The following PLCL2 variants were observed in gnomAD, a reference collection of about 807,000 sequenced individuals.
PLCL2 encodes inactive phospholipase C-like protein 2.
PLCL2 carries 4 observed loss-of-function variants against 79.6 expected under a neutral mutation model. That is an observed-to-expected ratio of 0.05 (90% CI 0.02 to 0.11). PLCL2 has a LOEUF of 0.11. Ranked by LOEUF, PLCL2 falls within the 10% of genes least tolerant of loss-of-function variation. PLCL2 has a pLI of 1.00. For synonymous variants in PLCL2, 484 were observed against 457.7 expected (o/e 1.06, Z -0.73); for missense variants, 895 against 1,291.0 (o/e 0.69, Z 4.70).
At chr3:16,980,018 C>T (rs1436177682) in intron 1 of PLCL2, among the ~76,000 whole-genome samples, 2 of 145,460 alleles carry the variant, frequency 1.4e-5, no homozygotes, top group Non-Finnish European at 3.0e-5. Context: ...GGCAGAGGGG[C>T]TCCTCACTTC....
intron 4 of PLCL2, among the ~76,000 whole-genome samples, chr3:17,055,158 T>C (rs571353278): frequency 6.6e-6 from 1 of 152,302 alleles, no homozygotes; most frequent in East Asian, 1.9e-4. Context: ...GTTAACACTT[T>C]GAAGATGAGA....
intron 5 of PLCL2, among the ~76,000 whole-genome samples, chr3:17,070,128 G>T (rs1429870930): frequency 6.6e-6 from 1 of 152,182 alleles, no homozygotes; most frequent in Non-Finnish European, 1.5e-5. Context: ...TCCTACTCAT[G>T]TGTGGTCCGG....
At position 17,017,265 on chromosome 3, in the gene PLCL2, A is replaced by T. The variant is rs2064395322; in HGVS notation, c.3018+2354A>T. 2.0e-5 allele frequency among the ~76,000 whole-genome samples: 3 copies of T among 152,242 alleles called. No homozygotes were observed. In the South Asian group the frequency reaches 6.2e-4, roughly 31 times the overall value. On this transcript the variant is annotated intron_variant, in intron 3 of 5. Coordinates refer to ENST00000615277, the MANE Select transcript of PLCL2 (RefSeq NM_001144382.2). ...CTAGCTTGCTTAAAATTTTTAAATT[A>T]TAAAATTACTCTTTTATAATGTATA...
At chr3:16,918,555 A>G (rs1697050899) in intron 1 of PLCL2, among the ~76,000 whole-genome samples, 1 of 152,194 alleles carries the variant, frequency 6.6e-6, no homozygotes, top group African/African-American at 2.4e-5. Context: ...CTGGCTCTAA[A>G]TAGTATGCCA....
At chr3:16,968,280 A>G (rs539206866) in intron 1 of PLCL2, among the ~76,000 whole-genome samples, 10 of 152,134 alleles carry the variant, frequency 6.6e-5, no homozygotes, top group Non-Finnish European at 1.2e-4. Context: ...ACCAATTTTA[A>G]CATAGTTTTT....
At chr3:16,950,684 T>G (rs1159668776) in intron 1 of PLCL2, among the ~76,000 whole-genome samples, 3 of 152,134 alleles carry the variant, frequency 2.0e-5, no homozygotes, top group Non-Finnish European at 4.4e-5. Flanking sequence ...TCGTAGATTC[T>G]CTTTTTCAGA....
chr3:16,929,475 C>T (rs1697344727), intron 1 of PLCL2, among the ~76,000 whole-genome samples: 1 of 152,174 alleles, frequency 6.6e-6, no homozygotes, highest in Non-Finnish European at 1.5e-5. Flanking sequence ...AATGCATACT[C>T]AACTCACTTT....
chr3:17,067,993 C>T lies in PLCL2; in HGVS notation c.3132C>T (p.Thr1044=). The change falls in exon 5 of 6, where the codon ACC becomes ACT. Residue 1044 remains threonine, a synonymous_variant. Transcript: ENST00000615277. ...ATGAACACTTGCACAGCATAGGCAC[C>T]AAGGAAGGTTTGAAGGAAAGAAAAC... ...EFHEHLHSIG[T]KEGLKERKLQ... The T allele has an allele frequency of 1.2e-6, 2 of 1,611,960 alleles. No homozygotes were observed. The highest frequency in any genetic ancestry group is 1.7e-6 in the Non-Finnish European group (2 of 1,178,538).
intron 1 of PLCL2, among the ~76,000 whole-genome samples, chr3:16,905,968 C>T (rs1451406036): frequency 1.3e-5 from 2 of 152,142 alleles, no homozygotes; most frequent in African/African-American, 4.8e-5. Context: ...AATCCAGATC[C>T]ACCTGGAGAG....
At chr3:17,001,702 A>G (rs922448823) in intron 1 of PLCL2, among the ~76,000 whole-genome samples, 3 of 151,890 alleles carry the variant, frequency 2.0e-5, no homozygotes, top group South Asian at 2.1e-4. Flanking sequence ...GTTCTGTTCC[A>G]TTGGTCTATG....
chr3:17,017,302 T>C (rs2064395564), intron 3 of PLCL2, among the ~76,000 whole-genome samples: 1 of 152,250 alleles, frequency 6.6e-6, no homozygotes, highest in Admixed American at 6.5e-5. Flanking sequence ...TTGAAATAGC[T>C]GTGCAGCCTT....
chr3:16,918,107 T>A, intron 1 of PLCL2, among the ~76,000 whole-genome samples: 1 of 152,184 alleles, frequency 6.6e-6, no homozygotes, highest in African/African-American at 2.4e-5. Context: ...AAAGGAGCAC[T>A]GTTCAACACA....
intron 1 of PLCL2, among the ~76,000 whole-genome samples, chr3:16,981,971 C>A (rs1463707555): frequency 6.6e-6 from 1 of 152,184 alleles, no homozygotes; most frequent in Non-Finnish European, 1.5e-5. Context: ...TTATATTATG[C>A]TGTGACCATA....
chr3:17,068,825 C>T (rs933646091), intron 5 of PLCL2, among the ~76,000 whole-genome samples: 1 of 152,126 alleles, frequency 6.6e-6, no homozygotes, highest in African/African-American at 2.4e-5. Context: ...TACCTCGAAA[C>T]TTTTTTGAGC....
At chr3:17,032,391 A>C (rs2064593231) in intron 3 of PLCL2, among the ~76,000 whole-genome samples, 1 of 152,158 alleles carries the variant, frequency 6.6e-6, no homozygotes, top group Non-Finnish European at 1.5e-5. Context: ...TACCTGGTTT[A>C]AAAGCACAGT....
chr3:16,895,400 T>C (rs1403663495), intron 1 of PLCL2, among the ~76,000 whole-genome samples: 1 of 152,150 alleles, frequency 6.6e-6, no homozygotes, highest in Non-Finnish European at 1.5e-5. Context: ...GTGTGTGGTG[T>C]GAGGTAGGGT....
chr3:17,010,919 A>G lies in PLCL2; in HGVS notation c.1573A>G (p.Ile525Val), dbSNP rs767540012. 5.6e-6 allele frequency: 9 copies of G among 1,614,026 alleles called. No homozygotes were observed. Among genetic ancestry groups the G allele is most frequent in the African/African-American group, 2.7e-5 (2 of 74,938 alleles). ...CTTGTGTTTAGAAAACCACTGTTCC[A>G]TTAAACAACAGAAGGTAATGGTTCA... is the stretch of plus-strand genomic sequence containing the variant. Reference protein sequence around the residue: ...LILCLENHCSIKQQKVMVQHM... With the variant: ...LILCLENHCSVKQQKVMVQHM... Residue 525 changes from isoleucine to valine, a missense_variant, in exon 2 of 6, where the codon ATT becomes GTT. Transcript: ENST00000615277. The surrounding 1 kb of genome is among the most constrained non-coding windows in gnomAD (Gnocchi z 5.8).
chr3:16,942,559 A>G (rs2063561454), intron 1 of PLCL2, among the ~76,000 whole-genome samples: 1 of 152,190 alleles, frequency 6.6e-6, no homozygotes. Flanking sequence ...AGGGGTCACC[A>G]CATTTCTTCT....
intron 5 of PLCL2, among the ~76,000 whole-genome samples, chr3:17,077,672 G>A (rs916860727): frequency 1.3e-4 from 20 of 152,284 alleles, no homozygotes; most frequent in Middle Eastern, 3.4e-3. Flanking sequence ...TCTCATACTA[G>A]AAGAGTCCTG....
Sources: gnomAD v4.1 joint callset for allele counts (sites outside exome capture counted in the v4.1 genomes callset) on GRCh38, gnomAD v4.1.1 for gene constraint, Gnocchi (gnomAD v3.1) non-coding constraint, MANE v1.5 for transcripts, NCBI Gene and HGNC (gene_info 2026-07-23, HGNC 2026-07-21) for gene names.